Variants in MROH9 observed in about 807,000 individuals in gnomAD.
The protein encoded by MROH9 is maestro heat-like repeat-containing protein family member 9.
In MROH9, 92 loss-of-function variants were observed where a neutral mutation model predicts 98.2. The ratio of observed to expected loss-of-function variants is 0.94; its 90% CI spans 0.79 to 1.11. The LOEUF is 1.11. Ranked by LOEUF, MROH9 falls within the 50% of genes most tolerant of loss-of-function variation. The pLI, the probability that MROH9 is intolerant of heterozygous loss-of-function variation, is 0.00. For synonymous variants in MROH9, 397 were observed against 368.9 expected (o/e 1.08, Z -0.87); for missense variants, 1,057 against 1,014.8 (o/e 1.04, Z -0.57).
In MROH9 at chr1:170,983,527, T is replaced by C. The variant is rs1318940931; in HGVS notation, c.722T>C (p.Ile241Thr). Residue 241 changes from isoleucine to threonine, a missense_variant, in exon 9 of 22, where the codon ATA (isoleucine) becomes ACA (threonine). Coordinates refer to ENST00000367759, the MANE Select transcript of MROH9 (RefSeq NM_001163629.2). ...GAGTTTCAACAAGACGAAAGTAAAATAGCTCAGGTAACTTAGCCCCCACTT... is the reference window on the plus strand; with the variant it reads ...GAGTTTCAACAAGACGAAAGTAAAACAGCTCAGGTAACTTAGCCCCCACTT... ...PKEFQQDESK[I>T]AQRVGQTLLP... The C allele has an allele frequency of 1.3e-6, 2 of 1,597,550 alleles. No homozygotes were observed. The highest frequency in any genetic ancestry group is 2.2e-5 in the South Asian group (2 of 90,532).
chr1:170,942,766 G>A (rs749581161), intron 1 of MROH9, among the ~76,000 whole-genome samples: 21 of 152,130 alleles, frequency 1.4e-4, no homozygotes, highest in Non-Finnish European at 2.6e-4. Flanking sequence ...AGAAAAAGGG[G>A]AATGGAATGC....
intron 1 of MROH9, among the ~76,000 whole-genome samples, chr1:170,940,369 T>C (rs750197670): frequency 6.6e-6 from 1 of 152,184 alleles, no homozygotes; most frequent in Non-Finnish European, 1.5e-5. Context: ...AAGCATAATG[T>C]CGCCAATATA....
intron 20 of MROH9, among the ~76,000 whole-genome samples, chr1:171,026,138 G>A (rs1305915923): frequency 1.3e-5 from 2 of 151,954 alleles, no homozygotes; most frequent in Admixed American, 1.3e-4. Flanking sequence ...AATGAATTAT[G>A]ATCAGCACTA....
At chr1:171,011,968 A>G (rs1415866282) in intron 15 of MROH9, among the ~76,000 whole-genome samples, 2 of 151,842 alleles carry the variant, frequency 1.3e-5, no homozygotes, top group South Asian at 2.1e-4. Context: ...ATTTTGTGAT[A>G]TTGTTTCTCT....
chr1:171,044,177 G>A (rs1298167107), intron 20 of MROH9, among the ~76,000 whole-genome samples: 2 of 151,904 alleles, frequency 1.3e-5, no homozygotes, highest in African/African-American at 4.8e-5. Flanking sequence ...TATCATGAAG[G>A]GATATTAAAT....
intron 17 of MROH9, among the ~76,000 whole-genome samples, chr1:171,021,322 A>G (rs773452446): frequency 6.6e-6 from 1 of 152,188 alleles, no homozygotes; most frequent in Non-Finnish European, 1.5e-5. Flanking sequence ...AGCACAAAGA[A>G]CAAAGCTGAA....
intron 20 of MROH9, among the ~76,000 whole-genome samples, 188 bp from the exon 21 acceptor site, chr1:171,061,944 A>T (rs1654027984): frequency 6.6e-6 from 1 of 152,178 alleles, no homozygotes; most frequent in African/African-American, 2.4e-5. Flanking sequence ...ATTCATGCAC[A>T]TTTATACTCT....
chr1:170,971,792 G>A lies in MROH9; in HGVS notation c.525G>A (p.Leu175=). ...GTTTGGGTCTCCTGGCAGCAGAGCT[G>A]TCTCTTTTGTGTTCCCATGAAGATC... ...APCLGLLAAE[L]SLLCSHEDPS... is the part of the protein sequence containing the mutation. The change falls in exon 8 of 22, where the codon CTG becomes CTA. Residue 175 remains leucine, a synonymous_variant. Transcript: ENST00000367759. 6.2e-7 allele frequency: 1 copy of A among 1,614,098 alleles called. No individual in the cohort carries two copies. Among genetic ancestry groups the A allele is most frequent in the African/African-American group, 1.3e-5 (1 of 75,064 alleles).
chr1:171,033,985 G>A (rs1383822850), intron 20 of MROH9, among the ~76,000 whole-genome samples: 4 of 151,916 alleles, frequency 2.6e-5, no homozygotes, highest in African/African-American at 4.8e-5. Flanking sequence ...TAAAGTTATG[G>A]AACTGCACGA....
intron 6 of MROH9, among the ~76,000 whole-genome samples, chr1:170,963,953 TA>T (rs1450870923): frequency 2.6e-5 from 4 of 151,938 alleles, no homozygotes; most frequent in Admixed American, 2.0e-4. Flanking sequence ...AAATAAAAGT[TA>T]AAAAAAGTTG....
At chr1:170,996,735 T>G in intron 14 of MROH9, 91 bp downstream of exon 14, 1 of 1,246,572 alleles carries the variant, frequency 8.0e-7, no homozygotes, top group South Asian at 1.6e-5. Context: ...AAGATAGGCA[T>G]CTATTCCAAT....
intron 20 of MROH9, among the ~76,000 whole-genome samples, chr1:171,056,852 A>G (rs1428883691): frequency 1.3e-5 from 2 of 152,186 alleles, no homozygotes; most frequent in Non-Finnish European, 2.9e-5. Context: ...ACCCCCAGCA[A>G]ATGGCAGCAG....
At chr1:170,990,645 A>G (rs970682903) in intron 11 of MROH9, among the ~76,000 whole-genome samples, 6 of 152,220 alleles carry the variant, frequency 3.9e-5, no homozygotes, top group African/African-American at 1.4e-4. Context: ...CTACTTCTCT[A>G]CTATGAACAG....
At chr1:170,951,993 G>GA (rs202232526) in intron 3 of MROH9, among the ~76,000 whole-genome samples, 8,732 of 152,060 alleles carry the variant, frequency 0.057, 357 homozygotes, top group Middle Eastern at 0.13. Flanking sequence ...AAAGACACAT[G>GA]AAAAAATGCT....
chr1:171,062,867 A>T (rs1654053421), intron 21 of MROH9, among the ~76,000 whole-genome samples: 1 of 152,186 alleles, frequency 6.6e-6, no homozygotes, highest in African/African-American at 2.4e-5. Context: ...GGACTTCCCA[A>T]GTACCTTCTC....
intron 3 of MROH9, among the ~76,000 whole-genome samples, chr1:170,951,375 C>A (rs74781625): frequency 0.015 from 2,234 of 152,182 alleles, 53 homozygotes; most frequent in African/African-American, 0.051. Context: ...GACTACCATT[C>A]CAGGCCTTAA....
chr1:171,027,490 T>C (rs915718551), intron 20 of MROH9, among the ~76,000 whole-genome samples: 4 of 152,164 alleles, frequency 2.6e-5, no homozygotes, highest in Non-Finnish European at 5.9e-5. Context: ...GTCTTTGCCA[T>C]TTTAAATGGT....
chr1:170,944,084 G>T (rs921647754), intron 1 of MROH9, among the ~76,000 whole-genome samples: 1 of 152,030 alleles, frequency 6.6e-6, no homozygotes, highest in African/African-American at 2.4e-5. Context: ...AAGCCTAGGG[G>T]TTATTAAACA....
chr1:171,036,800 A>AG (rs2101853988), intron 20 of MROH9, among the ~76,000 whole-genome samples: 1 of 150,790 alleles, frequency 6.6e-6, no homozygotes, highest in South Asian at 2.1e-4. Context: ...AAAAAAAAAA[A>AG]CTTTGAGTAA....
Sources: gnomAD v4.1 joint callset for allele counts (sites outside exome capture counted in the v4.1 genomes callset) on GRCh38, gnomAD v4.1.1 for gene constraint, MANE v1.5 for transcripts, NCBI Gene and HGNC (gene_info 2026-07-23, HGNC 2026-07-21) for gene names.